SYNDIG1L: variants seen among roughly 807,000 people sequenced by gnomAD.
SYNDIG1L encodes synapse differentiation-inducing gene protein 1-like.
SYNDIG1L carries 13 observed loss-of-function variants against 20.1 expected under a neutral mutation model. The observed-to-expected ratio is 0.65, with a 90% confidence interval of 0.42 to 1.03. The LOEUF is 1.03. Among genes scored for constraint, SYNDIG1L ranks in the 50% least tolerant of loss-of-function variants. SYNDIG1L has a pLI of 0.00. For synonymous variants in SYNDIG1L, 128 were observed against 129.3 expected, an observed-to-expected ratio of 0.99 and a Z score of 0.07; for missense variants, 294 against 305.1, an observed-to-expected ratio of 0.96 and a Z score of 0.27.
At chr14:74,464,787 T>C in the SYNDIG1L span, among the ~76,000 whole-genome samples, 1 of 152,112 alleles carries the variant, frequency 6.6e-6, no homozygotes, top group Non-Finnish European at 1.5e-5. Flanking sequence ...GTCTTGAAAA[T>C]GGAATGAGAT....
the SYNDIG1L span, among the ~76,000 whole-genome samples, chr14:74,460,043 C>G: frequency 6.6e-6 from 1 of 152,090 alleles, no homozygotes; most frequent in Non-Finnish European, 1.5e-5. Context: ...AGCTCTTCCT[C>G]CCTCTCATCT....
chr14:74,458,747 A>G, the SYNDIG1L span, among the ~76,000 whole-genome samples: 3 of 152,112 alleles, frequency 2.0e-5, no homozygotes, highest in African/African-American at 7.2e-5. Flanking sequence ...ACTTTTGAAC[A>G]GGTTTGTCAG....
chr14:74,416,757 G>T lies in SYNDIG1L; in HGVS notation c.-57-6956C>A, dbSNP rs532007795. ...CAATCCAAAAAGGTTGAGAGTAAAA[G>T]GATGGAATAATAATAACAACCTGTG... On this transcript the variant is annotated intron_variant, in intron 1 of 3. Coordinates refer to ENST00000331628, the MANE Select transcript of SYNDIG1L (RefSeq NM_001105579.2). Among the ~76,000 whole-genome samples the T allele has an allele frequency of 2.0e-5, 3 of 152,308 alleles. No homozygotes were observed. In the South Asian group the frequency reaches 6.2e-4, roughly 32 times the overall value.
At chr14:74,434,497 G>A in the SYNDIG1L span, among the ~76,000 whole-genome samples, 1 of 152,098 alleles carries the variant, frequency 6.6e-6, no homozygotes, top group Non-Finnish European at 1.5e-5. Context: ...GGAGGATGCA[G>A]GGAGTGGGAA....
At chr14:74,436,331 C>A in the SYNDIG1L span, among the ~76,000 whole-genome samples, 1 of 151,816 alleles carries the variant, frequency 6.6e-6, no homozygotes, top group African/African-American at 2.4e-5. Context: ...TTGGCTCAAG[C>A]AATCCTCCTG....
chr14:74,452,063 G>A, the SYNDIG1L span, among the ~76,000 whole-genome samples: 1 of 150,176 alleles, frequency 6.7e-6, no homozygotes, highest in African/African-American at 2.4e-5. Flanking sequence ...TTTTAAATGG[G>A]CAAAAGACTT....
the SYNDIG1L span, among the ~76,000 whole-genome samples, chr14:74,441,341 C>T: frequency 1.3e-5 from 2 of 152,148 alleles, no homozygotes; most frequent in African/African-American, 2.4e-5. Context: ...CTTTGTCCCT[C>T]GGACACTGAG....
intron 1 of SYNDIG1L, among the ~76,000 whole-genome samples, chr14:74,422,712 T>TTC (rs1566585562): frequency 1.5e-5 from 2 of 137,310 alleles, no homozygotes; most frequent in East Asian, 2.6e-4. Flanking sequence ...TTTCTTTCCT[T>TTC]TCTCTCTTTT....
the SYNDIG1L span, among the ~76,000 whole-genome samples, chr14:74,445,477 TGTGTGTG>T: frequency 6.6e-6 from 1 of 151,938 alleles, no homozygotes; most frequent in Non-Finnish European, 1.5e-5. Flanking sequence ...TGTGTGTGTG[TGTGTGTG>T]TGTGTTTTGA....
chr14:74,456,848 G>A, the SYNDIG1L span, among the ~76,000 whole-genome samples: 1 of 152,092 alleles, frequency 6.6e-6, no homozygotes, highest in Non-Finnish European at 1.5e-5. Context: ...GCCCCTGCAG[G>A]AGCCATGGAG....
chr14:74,477,255 G>A, the SYNDIG1L span, among the ~76,000 whole-genome samples: 1 of 152,038 alleles, frequency 6.6e-6, no homozygotes, highest in African/African-American at 2.4e-5. Flanking sequence ...TTTCACCTTG[G>A]CGACTTTCTT....
the SYNDIG1L span, among the ~76,000 whole-genome samples, chr14:74,437,043 A>AG: frequency 6.6e-6 from 1 of 151,822 alleles, no homozygotes; most frequent in East Asian, 1.9e-4. Context: ...TTCTGGGAGG[A>AG]GGTTGGGGGT....
In SYNDIG1L at chr14:74,409,318, A is replaced by G; in HGVS notation, c.417+10T>C. 1 of 1,506,738 alleles carries G rather than the reference A, an allele frequency of 6.6e-7. No individual in the cohort carries two copies. Among genetic ancestry groups the G allele is most frequent in the Non-Finnish European group, 8.9e-7 (1 of 1,123,740 alleles). The allele number at this position is 1,506,738 out of a possible 1,614,324, so 93.3% of individuals were successfully genotyped here. Reference sequence around the variant, plus strand: ...ATGCTGGAATCTGCATTTTAACCTCATGCACTCACCTCCTCTTCCTCCTGG... The same window carrying G: ...ATGCTGGAATCTGCATTTTAACCTCGTGCACTCACCTCCTCTTCCTCCTGG... On this transcript the variant is annotated intron_variant, in intron 2 of 3. Transcript: ENST00000331628.
chr14:74,476,898 G>A, the SYNDIG1L span, among the ~76,000 whole-genome samples: 3 of 152,110 alleles, frequency 2.0e-5, no homozygotes, highest in African/African-American at 7.2e-5. Flanking sequence ...GGGATAGGCT[G>A]AGGAATTCTC....
At chr14:74,465,671 G>C in the SYNDIG1L span, among the ~76,000 whole-genome samples, 1 of 152,198 alleles carries the variant, frequency 6.6e-6, no homozygotes, top group Non-Finnish European at 1.5e-5. Context: ...CTGACAGCCA[G>C]CAGAATCCCC....
chr14:74,408,537 C>T (rs1279996046), intron 2 of SYNDIG1L, among the ~76,000 whole-genome samples: 2 of 143,224 alleles, frequency 1.4e-5, no homozygotes, highest in Non-Finnish European at 3.0e-5. Context: ...GCACTCCAGC[C>T]GGGGCGACAG....
intron 1 of SYNDIG1L, among the ~76,000 whole-genome samples, chr14:74,419,725 T>A (rs1425574059): frequency 6.6e-6 from 1 of 151,970 alleles, no homozygotes; most frequent in Non-Finnish European, 1.5e-5. Context: ...GCAGTGAAGG[T>A]GATGGTGAGA....
chr14:74,408,551 G>A (rs1303764267), intron 2 of SYNDIG1L, among the ~76,000 whole-genome samples: 2 of 142,534 alleles, frequency 1.4e-5, no homozygotes, highest in East Asian at 2.0e-4. Flanking sequence ...GCGACAGAGC[G>A]AGACTCCATC....
chr14:74,422,302 G>C (rs1292839844), intron 1 of SYNDIG1L, among the ~76,000 whole-genome samples: 1 of 152,092 alleles, frequency 6.6e-6, no homozygotes, highest in Non-Finnish European at 1.5e-5. Context: ...TGACATAAAC[G>C]GCGGGGGTGA....
Sources: allele counts gnomAD v4.1 joint callset (sites outside exome capture counted in the v4.1 genomes callset), GRCh38; gene constraint gnomAD v4.1.1; transcripts MANE v1.5; gene names NCBI Gene and HGNC (gene_info 2026-07-23, HGNC 2026-07-21).